The following PLEKHA8 variants were observed in gnomAD, a reference collection of about 807,000 sequenced individuals.
PLEKHA8 encodes the protein pleckstrin homology domain-containing family A member 8.
A neutral mutation model predicts 68.2 loss-of-function variants in PLEKHA8; 36 were observed. The ratio of observed to expected loss-of-function variants is 0.53; its 90% CI spans 0.40 to 0.70. PLEKHA8 has a LOEUF of 0.70. PLEKHA8 is among the 30% of genes least tolerant of loss of function. PLEKHA8 has a pLI of 0.00. For synonymous variants in PLEKHA8, 211 were observed against 216.1 expected, an observed-to-expected ratio of 0.98 and a Z score of 0.20; for missense variants, 505 against 615.4, an observed-to-expected ratio of 0.82 and a Z score of 1.90.
intron 13 of PLEKHA8, among the ~76,000 whole-genome samples, chr7:30,108,404 G>C (rs1452639251): frequency 6.6e-6 from 1 of 152,082 alleles, no homozygotes; most frequent in Non-Finnish European, 1.5e-5. Flanking sequence ...ATATTCACTG[G>C]AACAGTTTGT....
chr7:30,069,006 CTT>C (rs1208138483), intron 12 of PLEKHA8, among the ~76,000 whole-genome samples: 3 of 145,798 alleles, frequency 2.1e-5, no homozygotes, highest in African/African-American at 7.7e-5. Context: ...GTAATACCAA[CTT>C]TGAGAGAGAG....
intron 3 of PLEKHA8, among the ~76,000 whole-genome samples, chr7:30,047,458 C>T (rs1223751752): frequency 6.6e-6 from 1 of 152,064 alleles, no homozygotes; most frequent in Non-Finnish European, 1.5e-5. Context: ...ACAGCTATGA[C>T]CCCATTTTAT....
chr7:30,068,873 A>G (rs1794044671), intron 12 of PLEKHA8, among the ~76,000 whole-genome samples: 1 of 152,022 alleles, frequency 6.6e-6, no homozygotes, highest in African/African-American at 2.4e-5. Flanking sequence ...TATGTCTTTA[A>G]TCTTCCTGGA....
In PLEKHA8 at chr7:30,089,770, A is replaced by G. The variant is rs139684681; in HGVS notation, c.1301-383A>G. On this transcript the variant is annotated intron_variant, in intron 12 of 12. Transcript: ENST00000258679. ...TGTTGTGCTCTCAGAGAACTTAGAA[A>G]ACATGAACTCAATAAAACAAGCACT... is the stretch of plus-strand genomic sequence containing the variant. Among the ~76,000 whole-genome samples, 347 of 152,338 alleles carry G rather than the reference A, an allele frequency of 2.3e-3. 11 individuals are homozygous for G. The East Asian group carries it at 0.06, about 26-fold the overall frequency.
chr7:30,028,700 C>T lies in PLEKHA8; in HGVS notation c.-63C>T, dbSNP rs778859231. 3.4e-6 allele frequency: 4 copies of T among 1,185,040 alleles called. No homozygotes were observed. The highest frequency in any genetic ancestry group is 3.2e-6 in the Non-Finnish European group (3 of 934,910). The allele number at this position is 1,185,040 out of a possible 1,614,324, so 73.4% of individuals were successfully genotyped here. On this transcript the variant is annotated 5_prime_UTR_variant, in exon 1 of 14. Coordinates refer to ENST00000449726, the MANE Select transcript of PLEKHA8 (RefSeq NM_001197026.2). ...CGATGGCCCTGCTGCTGGTGCTCCT[C>T]GCCTCTTGGGGCCTGGGGCAGTGAG...
At position 30,084,457 on chromosome 7, in the gene PLEKHA8, T is replaced by C. The variant is rs1795093785; in HGVS notation, c.*5670T>C. On this transcript the variant is annotated 3_prime_UTR_variant, in exon 14 of 14. Coordinates refer to ENST00000449726, the MANE Select transcript of PLEKHA8 (RefSeq NM_001197026.2). Reference sequence around the variant, plus strand: ...ATGGACCTTTACTTAGAATATAATATGTTGGAGCCTCTTGGGACCAACCGA... The same window carrying C: ...ATGGACCTTTACTTAGAATATAATACGTTGGAGCCTCTTGGGACCAACCGA... The C allele has an allele frequency of 3.0e-6, 3 of 985,222 alleles. No homozygotes were observed. Among genetic ancestry groups the C allele is most frequent in the Non-Finnish European group, 2.4e-6 (2 of 829,746 alleles). The allele number at this position is 985,222 out of a possible 1,614,324, so 61.0% of individuals were successfully genotyped here. A position where few individuals can be genotyped will look rare whatever the true frequency, so the allele number is the denominator to read the frequency against.
At chr7:30,036,540 C>A (rs541865636) in intron 1 of PLEKHA8, among the ~76,000 whole-genome samples, 3 of 152,128 alleles carry the variant, frequency 2.0e-5, no homozygotes, top group Non-Finnish European at 4.4e-5. Flanking sequence ...TGAGTCTGAA[C>A]TTAAACCATG....
intron 7 of PLEKHA8, 143 bp downstream of exon 7, chr7:30,053,009 CAT>C: frequency 1.6e-6 from 1 of 625,694 alleles, no homozygotes; most frequent in African/African-American, 2.0e-5. Context: ...TAAGATAAGT[CAT>C]ATGACTGAAC....
intron 7 of PLEKHA8, among the ~76,000 whole-genome samples, chr7:30,053,495 C>T (rs75926245): frequency 0.01 from 1,569 of 152,004 alleles, 19 homozygotes; most frequent in East Asian, 0.04. Flanking sequence ...TATTTTTTCT[C>T]GATGAATTGG....
chr7:30,057,080 A>T (rs1206438036), intron 9 of PLEKHA8, among the ~76,000 whole-genome samples: 1 of 151,898 alleles, frequency 6.6e-6, no homozygotes, highest in Non-Finnish European at 1.5e-5. Context: ...TTGAGGTATA[A>T]CTTGCGTAGG....
intron 12 of PLEKHA8, among the ~76,000 whole-genome samples, chr7:30,064,333 C>T (rs1435089853): frequency 6.6e-6 from 1 of 152,188 alleles, no homozygotes; most frequent in Non-Finnish European, 1.5e-5. Flanking sequence ...AGGAGGATCA[C>T]TTGAGTTCAG....
At chr7:30,038,906 A>G (rs926751531) in intron 1 of PLEKHA8, among the ~76,000 whole-genome samples, 49 of 152,008 alleles carry the variant, frequency 3.2e-4, no homozygotes, top group African/African-American at 1.1e-3. Context: ...TGCTGTTGGG[A>G]AATTAAAAAA....
intron 9 of PLEKHA8, among the ~76,000 whole-genome samples, chr7:30,056,358 C>T (rs1185169133): frequency 3.3e-5 from 4 of 122,488 alleles, no homozygotes; most frequent in Admixed American, 8.7e-5. Flanking sequence ...ATATATATAA[C>T]ACATATATAT....
rs142466909 is a variant in PLEKHA8, at chr7:30,108,737, C to T, written c.1363-20529C>T. ...ACAAGATGCCTGCTAGGACTTGTTG[C>T]GCCTTCTCCTAGAGAGAGAGACTTC... On this transcript the variant is annotated intron_variant, in intron 13 of 13. Coordinates refer to the PLEKHA8 transcript ENST00000396257. Among the ~76,000 whole-genome samples the T allele has an allele frequency of 5.6e-3, 846 of 152,244 alleles. 7 individuals are homozygous for T. The highest frequency in any genetic ancestry group is 0.013 in the South Asian group (63 of 4,828).
intron 9 of PLEKHA8, among the ~76,000 whole-genome samples, chr7:30,058,631 A>G (rs149585883): frequency 4.2e-4 from 64 of 152,274 alleles, no homozygotes; most frequent in Admixed American, 1.8e-3. Context: ...TTCTGTTCCA[A>G]TGATCTTATG....
At chr7:30,036,564 G>A (rs965653969) in intron 1 of PLEKHA8, among the ~76,000 whole-genome samples, 19 of 152,124 alleles carry the variant, frequency 1.2e-4, no homozygotes, top group African/African-American at 4.1e-4. Flanking sequence ...TCCTCACTCC[G>A]TTGTTTTAAG....
At chr7:30,039,823 A>T (rs576821997) in intron 1 of PLEKHA8, among the ~76,000 whole-genome samples, 288 of 152,008 alleles carry the variant, frequency 1.9e-3, no homozygotes, top group Non-Finnish European at 3.4e-3. Flanking sequence ...TCACTTATTG[A>T]CTAAGAGCTA....
rs1263728348 is a variant in PLEKHA8, at chr7:30,083,064, A to T, written c.*4277A>T. On this transcript the variant is annotated 3_prime_UTR_variant, in exon 14 of 14. Coordinates refer to ENST00000449726, the MANE Select transcript of PLEKHA8 (RefSeq NM_001197026.2). ...AATCTATCAACCTTTTTTAAATTTT[A>T]AAATTTTTAGATGTAGAGTTTATAA... 2 of 981,424 alleles carry T rather than the reference A, an allele frequency of 2.0e-6. No individual in the cohort carries two copies. Among genetic ancestry groups the T allele is most frequent in the African/African-American group, 3.5e-5 (2 of 57,096 alleles). The allele number at this position is 981,424 out of a possible 1,614,324, so 60.8% of individuals were successfully genotyped here.
chr7:30,115,983 TG>T (rs1796503679), intron 13 of PLEKHA8: 1 of 139,134 alleles, frequency 7.2e-6, no homozygotes, highest in Non-Finnish European at 1.6e-5. Context: ...CATGCATGCA[TG>T]TATGCATACG....
Sources: gnomAD v4.1 joint callset for allele counts (sites outside exome capture counted in the v4.1 genomes callset) on GRCh38, gnomAD v4.1.1 for gene constraint, MANE v1.5 for transcripts, NCBI Gene and HGNC (gene_info 2026-07-23, HGNC 2026-07-21) for gene names.